The following FANCM variants were observed in gnomAD, a reference collection of about 807,000 sequenced individuals.
The protein encoded by FANCM is FA complementation group M.
In FANCM, 140 loss-of-function variants were observed where a neutral mutation model predicts 199.5. The ratio of observed to expected loss-of-function variants is 0.70; its 90% CI spans 0.61 to 0.81. The LOEUF is 0.81. FANCM is among the 30% of genes least tolerant of loss of function. FANCM has a pLI of 0.00. For missense variants in FANCM, 2,410 were observed against 2,421.4 expected (o/e 1.00, Z 0.10); for synonymous variants, 840 against 836.8 (o/e 1.00, Z -0.07).
intron 3 of FANCM, among the ~76,000 whole-genome samples, chr14:45,145,798 G>A (rs949127244): frequency 2.6e-5 from 4 of 151,050 alleles, no homozygotes; most frequent in Non-Finnish European, 4.4e-5. Flanking sequence ...GGTGGCTCAC[G>A]CCTGTAATCC....
At chr14:45,136,623 T>C (rs1346485573) in intron 1 of FANCM, 84 bp downstream of exon 1, 22 of 1,284,794 alleles carry the variant, frequency 1.7e-5, no homozygotes, top group Non-Finnish European at 2.0e-5. Context: ...AACATGTGCA[T>C]CTTACGCCCT....
At chr14:45,166,910 A>G in intron 10 of FANCM, 40 bp from the exon 11 acceptor site, 1 of 1,112,072 alleles carries the variant, frequency 9.0e-7, no homozygotes, top group Non-Finnish European at 1.4e-6. Context: ...TGTTATTTAT[A>G]AAAGTAATAT....
intron 11 of FANCM, among the ~76,000 whole-genome samples, 189 bp from the exon 12 acceptor site, chr14:45,170,400 G>T (rs1888260468): frequency 6.6e-6 from 1 of 152,128 alleles, no homozygotes; most frequent in Non-Finnish European, 1.5e-5. Flanking sequence ...GGTGGCATGA[G>T]CCTGTATTCC....
intron 3 of FANCM, among the ~76,000 whole-genome samples, chr14:45,143,550 C>T (rs1414162628): frequency 3.3e-5 from 5 of 152,042 alleles, no homozygotes; most frequent in African/African-American, 7.2e-5. Context: ...AGTATTTTTT[C>T]GGCCCAGCCA....
intron 9 of FANCM, among the ~76,000 whole-genome samples, chr14:45,161,293 G>C (rs1887587840): frequency 6.6e-6 from 1 of 152,138 alleles, no homozygotes; most frequent in Non-Finnish European, 1.5e-5. Flanking sequence ...TTTGAAACGA[G>C]CTTGCAGGCA....
At chr14:45,162,370 C>G (rs1887667824) in intron 9 of FANCM, among the ~76,000 whole-genome samples, 1 of 152,138 alleles carries the variant, frequency 6.6e-6, no homozygotes, top group Non-Finnish European at 1.5e-5. Context: ...GCTTTTCAAA[C>G]TATTGAAACT....
intron 5 of FANCM, 115 bp from the exon 6 acceptor site, chr14:45,153,805 T>A: frequency 1.2e-6 from 1 of 841,676 alleles, no homozygotes; most frequent in South Asian, 1.3e-5. Flanking sequence ...ATGATGATTA[T>A]GATCATTTGG....
rs138812315 is a variant in FANCM, at chr14:45,184,127, A to G, written c.4515+225A>G. On this transcript the variant is annotated intron_variant, in intron 17 of 22. Transcript: ENST00000267430. ...TGCAGTGTTGTGTTACTTTGAATGA[A>G]TACCAAAAAACTCAAGTGTATTGAG... 6.8e-4 allele frequency among the ~76,000 whole-genome samples: 103 copies of G among 152,244 alleles called. No homozygotes were observed. In the East Asian group the frequency reaches 7.9e-3, roughly 12 times the overall value.
chr14:45,173,122 C>T lies in FANCM; in HGVS notation c.2228C>T (p.Pro743Leu). The T allele has an allele frequency of 6.2e-7, 1 of 1,610,672 alleles. No homozygotes were observed. The highest frequency in any genetic ancestry group is 2.2e-5 in the East Asian group (1 of 44,818). ...GAATGGAGACTGTGGCAAGATCATC[C>T]TTTGCCTACACATCAAGTTGATCAC... ...LSEWRLWQDH[P>L]LPTHQVDHSD... The change falls in exon 13 of 23, where the codon CCT (proline) becomes CTT (leucine). Residue 743 changes from proline (P) to leucine (L), a missense_variant. By Grantham distance (98) the Pro-to-Leu change is moderately conservative. Transcript: ENST00000267430.
At position 45,176,311 on chromosome 14, in the gene FANCM, A is replaced by T; in HGVS notation, c.3557A>T (p.Asn1186Ile). 6.2e-7 allele frequency: 1 copy of T among 1,614,006 alleles called. No homozygotes were observed. Among genetic ancestry groups the T allele is most frequent in the Non-Finnish European group, 8.5e-7 (1 of 1,179,988 alleles). The change falls in exon 14 of 23, where the codon AAT becomes ATT. Residue 1186 changes from asparagine (N) to isoleucine (I), a missense_variant. Asn to Ile is a moderately radical substitution (Grantham distance 149). Transcript: ENST00000267430. ...FLISDELLLD[N>I]NSELQDQITR... ...ATTTCTGATGAACTTTTGTTGGACAATAATTCTGAACTCCAAGATCAAATC... is the reference window on the plus strand; with the variant it reads ...ATTTCTGATGAACTTTTGTTGGACATTAATTCTGAACTCCAAGATCAAATC...
chr14:45,187,728 G>T (rs1195623032), intron 18 of FANCM, 53 bp from the exon 19 acceptor site: 50 of 823,890 alleles, frequency 6.1e-5, no homozygotes, highest in Non-Finnish European at 1.0e-4. Context: ...ATACTTTACT[G>T]GTTTTCATTT....
intron 14 of FANCM, 101 bp from the exon 15 acceptor site, chr14:45,181,329 G>A (rs909021260): frequency 1.0e-5 from 7 of 677,290 alleles, no homozygotes; most frequent in African/African-American, 9.1e-5. Context: ...TGTTGAGATT[G>A]CGTGAAATAA....
At chr14:45,159,356 A>AACTC (rs749926733) in intron 9 of FANCM, 76 bp downstream of exon 9, 200 of 1,059,416 alleles carry the variant, frequency 1.9e-4, no homozygotes, top group Non-Finnish European at 2.6e-4. Flanking sequence ...TGTTAGTTTT[A>AACTC]ACTCACTGGT....
chr14:45,172,140 T>G (rs1888381355), intron 12 of FANCM, among the ~76,000 whole-genome samples: 1 of 152,158 alleles, frequency 6.6e-6, no homozygotes, highest in East Asian at 1.9e-4. Flanking sequence ...ATATGTTTAT[T>G]GGCCATTTGA....
At chr14:45,197,469 TG>T (rs1215128896) in intron 21 of FANCM, among the ~76,000 whole-genome samples, 4 of 144,682 alleles carry the variant, frequency 2.8e-5, no homozygotes, top group African/African-American at 5.5e-5. Flanking sequence ...ATTTTTTTTT[TG>T]TTTTTTTTTT....
chr14:45,155,441 C>T lies in FANCM; in HGVS notation c.1378C>T (p.His460Tyr), dbSNP rs1420319667. The T allele has an allele frequency of 6.8e-7, 1 of 1,481,276 alleles. No homozygotes were observed. Among genetic ancestry groups the T allele is most frequent in the South Asian group, 1.1e-5 (1 of 88,342 alleles). The allele number at this position is 1,481,276 out of a possible 1,614,324, so 91.8% of individuals were successfully genotyped here. A position where few individuals can be genotyped will look rare whatever the true frequency, so the allele number is the denominator to read the frequency against. The change falls in exon 8 of 23, where the codon CAC (histidine) becomes TAC (tyrosine). Residue 460 changes from histidine (H) to tyrosine (Y), a missense_variant. By Grantham distance (83) the His-to-Tyr change is moderately conservative. Coordinates refer to ENST00000267430, the MANE Select transcript of FANCM (RefSeq NM_020937.4). ...LKKLEEVVIE[H>Y]FKSWNAENTT... Reference sequence around the variant, plus strand: ...GAAATTAGAAGAAGTTGTAATTGAACACTTCAAGTCATGGAATGGTAGGTC... The same window carrying T: ...GAAATTAGAAGAAGTTGTAATTGAATACTTCAAGTCATGGAATGGTAGGTC...
In FANCM at chr14:45,154,010, T is replaced by A; in HGVS notation, c.1141T>A (p.Ser381Thr). Reference sequence around the variant, plus strand: ...ATTATTGCAGCAAATGGGAATGAGATCATTATATTTCTTCCTTTGTGGAAT... The same window carrying A: ...ATTATTGCAGCAAATGGGAATGAGAACATTATATTTCTTCCTTTGTGGAAT... ...YELLQQMGMR[S>T]LYFFLCGIMD... Residue 381 changes from serine (S) to threonine (T), a missense_variant, in exon 6 of 23, where the codon TCA becomes ACA. By Grantham distance (58) the Ser-to-Thr change is moderately conservative. Coordinates refer to ENST00000267430, the MANE Select transcript of FANCM (RefSeq NM_020937.4). 1 of 1,577,268 alleles carries A rather than the reference T, an allele frequency of 6.3e-7. No homozygotes were observed. Among genetic ancestry groups the A allele is most frequent in the Non-Finnish European group, 8.7e-7 (1 of 1,146,528 alleles).
At chr14:45,177,486 G>C (rs527652712) in intron 14 of FANCM, among the ~76,000 whole-genome samples, 5 of 152,204 alleles carry the variant, frequency 3.3e-5, no homozygotes, top group Non-Finnish European at 2.9e-5. Context: ...CCGCCTCCCA[G>C]GTTCAAGTGA....
chr14:45,196,335 C>A lies in FANCM; in HGVS notation c.5504C>A (p.Ser1835Tyr), dbSNP rs1203072805. Reference sequence around the variant, plus strand: ...ATCACTTCTGGATTAGAAGTAATTTCTTCCCTAAGAGCAATTCATGGGTTG... The same window carrying A: ...ATCACTTCTGGATTAGAAGTAATTTATTCCCTAAGAGCAATTCATGGGTTG... Reference protein sequence around the residue: ...HEITSGLEVISSLRAIHGLQV... With the variant: ...HEITSGLEVIYSLRAIHGLQV... Residue 1835 changes from serine (S) to tyrosine (Y), a missense_variant, in exon 21 of 23, where the codon TCT becomes TAT. Physicochemically the swap from Ser to Tyr is moderately radical, Grantham distance 144. Transcript: ENST00000267430. 6 of 1,614,004 alleles carry A rather than the reference C, an allele frequency of 3.7e-6. No homozygotes were observed. The highest frequency in any genetic ancestry group is 5.1e-6 in the Non-Finnish European group (6 of 1,180,000).
Sources: gnomAD v4.1 joint callset for allele counts (sites outside exome capture counted in the v4.1 genomes callset) on GRCh38, gnomAD v4.1.1 for gene constraint, MANE v1.5 for transcripts, NCBI Gene and HGNC (gene_info 2026-07-23, HGNC 2026-07-21) for gene names.